Variants in SLAMF7 observed in about 807,000 individuals in gnomAD.
SLAMF7 encodes 19A24 protein.
A neutral mutation model predicts 34.1 loss-of-function variants in SLAMF7; 26 were observed. The observed-to-expected ratio is 0.76, with a 90% CI of 0.56 to 1.06. SLAMF7 has a LOEUF of 1.06. SLAMF7 is among the 50% of genes least tolerant of loss of function. SLAMF7 has a pLI of 0.00. For synonymous variants in SLAMF7, 171 were observed against 156.4 expected (o/e 1.09, Z -0.70); for missense variants, 399 against 402.5 (o/e 0.99, Z 0.07).
intron 1 of SLAMF7, among the ~76,000 whole-genome samples, chr1:160,743,705 T>C (rs1311463773): frequency 6.6e-6 from 1 of 152,224 alleles, no homozygotes; most frequent in African/African-American, 2.4e-5. Flanking sequence ...GTAGCCACTC[T>C]GTCTCCAGGG....
In SLAMF7 at chr1:160,754,495, A is replaced by G. The variant is rs1477903377; in HGVS notation, c.*1318A>G. On this transcript the variant is annotated 3_prime_UTR_variant, in exon 7 of 7. Transcript: ENST00000368043. ...CCTGTGCTAGGTCAGTCTGGCACGT[A>G]AGATGAACATCCCTACCAATACAGA... 2.0e-5 allele frequency: 3 copies of G among 152,374 alleles called. No individual in the cohort carries two copies. The highest frequency in any genetic ancestry group is 7.2e-5 in the African/African-American group (3 of 41,452). The allele number at this position is 152,374 out of a possible 1,614,324, so 9.4% of individuals were successfully genotyped here.
chr1:160,752,996 T>A, intron 6 of SLAMF7, 110 bp from the exon 7 acceptor site: 2 of 929,760 alleles, frequency 2.2e-6, no homozygotes, highest in Non-Finnish European at 3.4e-6. Flanking sequence ...TGCCAGCCGA[T>A]TTGGGTTGGG....
At chr1:160,751,249 G>T in intron 4 of SLAMF7, 96 bp from the exon 5 acceptor site, 1 of 856,688 alleles carries the variant, frequency 1.2e-6, no homozygotes, top group Non-Finnish European at 1.9e-6. Context: ...CGGCTGGTTG[G>T]TCACCCTAAG....
chr1:160,740,230 T>C (rs1663623328), intron 1 of SLAMF7, among the ~76,000 whole-genome samples: 1 of 151,512 alleles, frequency 6.6e-6, no homozygotes, highest in Non-Finnish European at 1.5e-5. Flanking sequence ...GAAGTTTGTA[T>C]TTTTGAGAGG....
intron 1 of SLAMF7, among the ~76,000 whole-genome samples, chr1:160,742,537 A>G (rs1663828266): frequency 6.6e-6 from 1 of 152,168 alleles, no homozygotes; most frequent in Non-Finnish European, 1.5e-5. Context: ...TGACCTTGTC[A>G]CCCGCATCCC....
intron 1 of SLAMF7, among the ~76,000 whole-genome samples, chr1:160,747,202 T>A (rs1439130802): frequency 1.3e-5 from 2 of 152,306 alleles, no homozygotes; most frequent in Non-Finnish European, 2.9e-5. Context: ...TAAGTTCTTA[T>A]CATTTCTACT....
intron 1 of SLAMF7, among the ~76,000 whole-genome samples, chr1:160,744,592 C>A (rs903593644): frequency 2.0e-5 from 3 of 152,240 alleles, no homozygotes; most frequent in South Asian, 2.1e-4. Flanking sequence ...TGTGTGGAAG[C>A]GTGAAAAGAG....
intron 2 of SLAMF7, among the ~76,000 whole-genome samples, chr1:160,749,163 C>T (rs1445591356): frequency 1.3e-5 from 2 of 152,206 alleles, no homozygotes; most frequent in African/African-American, 4.8e-5. Flanking sequence ...GCACCTGATC[C>T]AGGTGTGTCT....
intron 5 of SLAMF7, 55 bp downstream of exon 5, chr1:160,751,503 G>A (rs1040048676): frequency 1.4e-6 from 2 of 1,453,566 alleles, no homozygotes; most frequent in East Asian, 2.3e-5. Flanking sequence ...GGCTCTCCTT[G>A]TGAGGTTTTT....
chr1:160,740,976 C>A (rs1663695060), intron 1 of SLAMF7, among the ~76,000 whole-genome samples: 1 of 152,182 alleles, frequency 6.6e-6, no homozygotes, highest in South Asian at 2.1e-4. Context: ...GGACCTGGCA[C>A]CAAAGAGATG....
At chr1:160,753,054 TC>T in intron 6 of SLAMF7, 51 bp from the exon 7 acceptor site, 1 of 1,557,204 alleles carries the variant, frequency 6.4e-7, no homozygotes. Flanking sequence ...CCATGGACGA[TC>T]CAGAGCCCTG....
intron 1 of SLAMF7, among the ~76,000 whole-genome samples, chr1:160,739,983 C>G (rs2101648238): frequency 6.6e-6 from 1 of 152,252 alleles, no homozygotes; most frequent in South Asian, 2.1e-4. Flanking sequence ...ATCCTAAGGG[C>G]TCTCAGAAAG....
At chr1:160,740,147 G>T (rs1442750289) in intron 1 of SLAMF7, among the ~76,000 whole-genome samples, 1 of 152,022 alleles carries the variant, frequency 6.6e-6, no homozygotes, top group Admixed American at 6.6e-5. Context: ...CAGGCAGCTG[G>T]TGCCCCCAAT....
Position 160,749,850 on chromosome 1 carries a change from G to T in SLAMF7, c.406G>T (p.Gly136Cys), listed in dbSNP as rs1664415258. The T allele has an allele frequency of 6.2e-7, 1 of 1,610,964 alleles. No homozygotes were observed. The highest frequency in any genetic ancestry group is 1.7e-5 in the Admixed American group (1 of 59,692). Residue 136 changes from glycine (G) to cysteine (C), a missense_variant, in exon 3 of 7, where the codon GGT becomes TGT. By Grantham distance (159) the Gly-to-Cys change is radical. Coordinates refer to ENST00000368043, the MANE Select transcript of SLAMF7 (RefSeq NM_021181.5). ...CCTGTCAAAGCCTAAAGTCACCATG[G>T]GTCTGCAGAGCAATAAGAATGGCAC... ...EHLSKPKVTM[G>C]LQSNKNGTCV...
rs544589924 is a variant in SLAMF7 at position 160,750,332 on chromosome 1, G to T, written c.678G>T (p.Met226Ile). The T allele has an allele frequency of 1.2e-6, 2 of 1,614,072 alleles. No individual in the cohort carries two copies. ...CTGCTGATGACCCAGATTCCTCCATGGTCCTCCTGTGTCTCCTGTTGGTGC... is the reference window on the plus strand; with the variant it reads ...CTGCTGATGACCCAGATTCCTCCATTGTCCTCCTGTGTCTCCTGTTGGTGC... ...EGAADDPDSS[M>I]VLLCLLLVPL... Residue 226 changes from methionine (M) to isoleucine (I), a missense_variant, in exon 4 of 7, where the codon ATG becomes ATT. Coordinates refer to ENST00000368043, the MANE Select transcript of SLAMF7 (RefSeq NM_021181.5).
intron 1 of SLAMF7, among the ~76,000 whole-genome samples, chr1:160,740,853 G>C (rs115034754): frequency 2.0e-5 from 3 of 152,192 alleles, no homozygotes; most frequent in Non-Finnish European, 2.9e-5. Context: ...AGGCTCAGCA[G>C]AGAGATCACG....
At chr1:160,752,913 T>C (rs1664748510) in intron 6 of SLAMF7, among the ~76,000 whole-genome samples, 193 bp from the exon 7 acceptor site, 1 of 152,164 alleles carries the variant, frequency 6.6e-6, no homozygotes, top group Non-Finnish European at 1.5e-5. Context: ...TTCAGCAAGA[T>C]AAATATGCGT....
chr1:160,752,683 G>T (rs1403621141), intron 6 of SLAMF7, among the ~76,000 whole-genome samples: 1 of 152,164 alleles, frequency 6.6e-6, no homozygotes, highest in Non-Finnish European at 1.5e-5. Flanking sequence ...CATCTGCTTT[G>T]CACCCTCCCC....
At chr1:160,748,575 A>G (rs1664315792) in intron 2 of SLAMF7, 61 bp downstream of exon 2, 1 of 1,461,934 alleles carries the variant, frequency 6.8e-7, no homozygotes, top group South Asian at 1.3e-5. Flanking sequence ...GCTCCTTGAC[A>G]TGAGAGATGT....
Sources: allele counts gnomAD v4.1 joint callset (sites outside exome capture counted in the v4.1 genomes callset), GRCh38; gene constraint gnomAD v4.1.1; transcripts MANE v1.5; gene names NCBI Gene and HGNC (gene_info 2026-07-23, HGNC 2026-07-21).